Variants in MEGF11 observed in about 807,000 individuals in gnomAD.
MEGF11 encodes multiple epidermal growth factor-like domains protein 11.
Under a neutral mutation model 146.6 loss-of-function variants are expected in MEGF11, and 126 were observed. The ratio of observed to expected loss-of-function variants is 0.86; its 90% CI spans 0.74 to 1.00. The LOEUF (loss-of-function observed/expected upper bound fraction) is 1.00. MEGF11 is among the 50% of genes least tolerant of loss of function. The probability of loss-of-function intolerance (pLI) is 0.00; values close to 1 mark genes in which losing one functional copy is unlikely to be tolerated. For missense variants in MEGF11, 1,509 were observed against 1,521.2 expected, an observed-to-expected ratio of 0.99 and a Z score of 0.13; for synonymous variants, 532 against 583.4, an observed-to-expected ratio of 0.91 and a Z score of 1.27.
chr15:66,174,329 C>A (rs924256987), intron 1 of MEGF11, among the ~76,000 whole-genome samples: 57 of 152,290 alleles, frequency 3.7e-4, no homozygotes, highest in African/African-American at 1.4e-3. Flanking sequence ...GGTAACAGCC[C>A]TATCTCCATC....
chr15:66,192,311 T>G (rs1217582716), intron 1 of MEGF11, among the ~76,000 whole-genome samples: 1 of 114,360 alleles, frequency 8.7e-6, no homozygotes. Context: ...CTACCAAAAA[T>G]ACAAAAAAAT....
chr15:66,072,074 TGCCTTC>T (rs1218566368), intron 5 of MEGF11, among the ~76,000 whole-genome samples: 1 of 152,212 alleles, frequency 6.6e-6, no homozygotes, highest in Admixed American at 6.5e-5. Flanking sequence ...TTCAGCAAGA[TGCCTTC>T]GCGTCCCCAG....
chr15:65,976,889 C>T (rs2081466390), intron 7 of MEGF11, among the ~76,000 whole-genome samples: 1 of 152,148 alleles, frequency 6.6e-6, no homozygotes, highest in Non-Finnish European at 1.5e-5. Context: ...TCCAGTCGCT[C>T]ATGCCTATAC....
intron 9 of MEGF11, among the ~76,000 whole-genome samples, chr15:65,962,367 G>A (rs1409625686): frequency 1.3e-5 from 2 of 152,144 alleles, no homozygotes; most frequent in Non-Finnish European, 2.9e-5. Flanking sequence ...GGCAATGTCT[G>A]GAAACATTTC....
chr15:65,929,894 G>A lies in MEGF11; in HGVS notation c.1409-11C>T. On this transcript the variant is annotated splice_polypyrimidine_tract_variant and intron_variant, in intron 11 of 25. Coordinates refer to ENST00000395614, the MANE Select transcript of MEGF11 (RefSeq NM_001385028.1). ...CCAGGCCCTGCCACCCTGAGGGGAG[G>A]GAAAGGGACTGTCACTTCTCCATCC... 1 of 1,590,872 alleles carries A rather than the reference G, an allele frequency of 6.3e-7. No homozygotes were observed. The highest frequency in any genetic ancestry group is 8.6e-7 in the Non-Finnish European group (1 of 1,168,230).
chr15:65,898,858 C>T lies in MEGF11; in HGVS notation c.3132G>A (p.Lys1044=), dbSNP rs1484841149. 1 of 1,613,918 alleles carries T rather than the reference C, an allele frequency of 6.2e-7. No individual in the cohort carries two copies. Among genetic ancestry groups the T allele is most frequent in the Admixed American group, 1.7e-5 (1 of 60,020 alleles). Residue 1044 remains lysine, a synonymous_variant, in exon 25 of 26, where the codon AAG becomes AAA. Transcript: ENST00000395614. The stretch of plus-strand genomic sequence containing the variant: ...GCTTGCAGGTGAGGATGGGTGGGTC[C>T]TTAATTGTGGCGTAAGGGTTTTCAC... ...NSSENPYATI[K]DPPILTCKLP...
In MEGF11 at chr15:66,218,982, A is replaced by AAAAAAAAAAAAAC. The variant is rs1443885763; in HGVS notation, c.-9+34622_-9+34623insGTTTTTTTTTTTT. 1.6e-4 allele frequency among the ~76,000 whole-genome samples: 24 copies of AAAAAAAAAAAAAC among 150,134 alleles called. 3 individuals are homozygous for AAAAAAAAAAAAAC. Among genetic ancestry groups the AAAAAAAAAAAAAC allele is most frequent in the African/African-American group, 5.4e-4 (22 of 40,464 alleles). On this transcript the variant is annotated intron_variant, in intron 1 of 25. Transcript: ENST00000395614. ...AGAACAACTGGATATCCACAGGCAAAAAAAAAAAAAAAAACCTTAACCTAA... is the reference window on the plus strand; with the variant it reads ...AGAACAACTGGATATCCACAGGCAAAAAAAAAAAAAAACAAAAAAAAAAAAAACCTTAACCTAA...
At position 66,128,107 on chromosome 15, in the gene MEGF11, T is replaced by C. The variant is rs548405878; in HGVS notation, c.98+199A>G. Among the ~76,000 whole-genome samples, 14 of 152,326 alleles carry C rather than the reference T, an allele frequency of 9.2e-5. 1 individual carries two copies. Among genetic ancestry groups the C allele is most frequent in the Admixed American group, 7.2e-4 (11 of 15,304 alleles). ...GACAGTGCATCGTAACTGAAGTTAA[T>C]GTGAGTTGCCTCCACCCTGACCTTC... On this transcript the variant is annotated intron_variant, in intron 2 of 25. Coordinates refer to ENST00000395614, the MANE Select transcript of MEGF11 (RefSeq NM_001385028.1).
In MEGF11 at chr15:65,970,442, G is replaced by A. The variant is rs942864692; in HGVS notation, c.899+111C>T. On this transcript the variant is annotated intron_variant, in intron 8 of 25. Transcript: ENST00000395614. ...GGCAGGAGAGCTCAGAGTGCTTTCT[G>A]AGAAAGGAACTGGAAGGCTGGCAGA... is the stretch of plus-strand genomic sequence containing the variant. 5.5e-6 allele frequency: 7 copies of A among 1,267,976 alleles called. No homozygotes were observed. In the Admixed American group the frequency reaches 7.2e-5, roughly 13 times the overall value. 78.5% of individuals were successfully genotyped at this position (1,267,976 alleles called of 1,614,324 possible).
intron 4 of MEGF11, among the ~76,000 whole-genome samples, chr15:66,099,259 T>G (rs766336001): frequency 4.6e-4 from 66 of 142,624 alleles, no homozygotes; most frequent in Admixed American, 3.7e-4. Context: ...CTCGGCTCAC[T>G]GCAACCTCTG....
intron 1 of MEGF11, among the ~76,000 whole-genome samples, chr15:66,153,637 AAGC>A (rs2089648460): frequency 6.6e-6 from 1 of 152,264 alleles, no homozygotes; most frequent in Admixed American, 6.5e-5. Context: ...TGATCCAAAG[AAGC>A]ACTTCCTGCT....
intron 1 of MEGF11, among the ~76,000 whole-genome samples, chr15:66,157,382 C>T (rs1447294777): frequency 1.3e-5 from 2 of 152,212 alleles, no homozygotes; most frequent in Non-Finnish European, 2.9e-5. Context: ...AGTGCAAGGT[C>T]CTGACCTGCC....
chr15:66,030,099 G>A (rs1161457347), intron 5 of MEGF11, among the ~76,000 whole-genome samples: 1 of 152,176 alleles, frequency 6.6e-6, no homozygotes, highest in African/African-American at 2.4e-5. Flanking sequence ...TTCTGACAGT[G>A]ACAATGTCCT....
intron 5 of MEGF11, among the ~76,000 whole-genome samples, chr15:66,035,300 T>C (rs1026990826): frequency 1.9e-4 from 28 of 151,266 alleles, no homozygotes; most frequent in Non-Finnish European, 3.8e-4. Flanking sequence ...CTGCTGCTGC[T>C]GCCGCTGGTG....
intron 5 of MEGF11, among the ~76,000 whole-genome samples, chr15:66,065,829 C>T (rs572473765): frequency 9.9e-5 from 15 of 152,154 alleles, no homozygotes; most frequent in South Asian, 4.1e-4. Context: ...AAGGAGGGCC[C>T]GGCGAAGTGG....
chr15:65,902,176 A>G (rs953427873), intron 24 of MEGF11: 3 of 152,232 alleles, frequency 2.0e-5, no homozygotes, highest in African/African-American at 7.2e-5. Context: ...TTGAAGTTCA[A>G]TGCCTAAAAG....
At chr15:66,249,105 A>G (rs2092336521) in intron 1 of MEGF11, among the ~76,000 whole-genome samples, 1 of 152,218 alleles carries the variant, frequency 6.6e-6, no homozygotes, top group South Asian at 2.1e-4. Context: ...TTCATATCAG[A>G]AATACAGGAA....
At chr15:66,194,300 A>G (rs115262668) in intron 1 of MEGF11, among the ~76,000 whole-genome samples, 1 of 152,182 alleles carries the variant, frequency 6.6e-6, no homozygotes, top group Non-Finnish European at 1.5e-5. Context: ...AGCTGTGAGG[A>G]CACAAAGGCA....
At chr15:66,025,562 T>A (rs2083299652) in intron 5 of MEGF11, among the ~76,000 whole-genome samples, 1 of 152,152 alleles carries the variant, frequency 6.6e-6, no homozygotes, top group South Asian at 2.1e-4. Context: ...GACCTTGAGC[T>A]AAAACCTAAA....
Sources: gnomAD v4.1 joint callset for allele counts (sites outside exome capture counted in the v4.1 genomes callset) on GRCh38, gnomAD v4.1.1 for gene constraint, MANE v1.5 for transcripts, NCBI Gene and HGNC (gene_info 2026-07-23, HGNC 2026-07-21) for gene names.